The following WDFY3 variants were observed in gnomAD, a reference collection of about 807,000 sequenced individuals.
The protein encoded by WDFY3 is WD repeat and FYVE domain containing 3, also known as WD repeat and FYVE domain-containing protein 3.
WDFY3 carries 66 observed loss-of-function variants against 409.6 expected under a neutral mutation model. The ratio of observed to expected loss-of-function variants is 0.16; its 90% confidence interval spans 0.13 to 0.20. The LOEUF (loss-of-function observed/expected upper bound fraction) is 0.20. Among genes scored for constraint, WDFY3 ranks in the 10% least tolerant of loss-of-function variants. The probability of loss-of-function intolerance (pLI) is 1.00; values close to 1 mark genes in which losing one functional copy is unlikely to be tolerated. For synonymous variants in WDFY3, 1,521 were observed against 1,537.1 expected (o/e 0.99, Z 0.25); for missense variants, 3,031 against 4,298.1 (o/e 0.71, Z 8.24).
chr4:84,906,958 T>A (rs899841499), intron 2 of WDFY3, among the ~76,000 whole-genome samples: 1 of 152,204 alleles, frequency 6.6e-6, no homozygotes, highest in Non-Finnish European at 1.5e-5. Context: ...TTTGTTATAC[T>A]GTATTTTCAA....
chr4:84,844,536 C>CT, intron 5 of WDFY3: 1 of 1,289,194 alleles, frequency 7.8e-7, no homozygotes, highest in South Asian at 1.2e-5. Flanking sequence ...GCTGGGTTGT[C>CT]TAAGTAGGGA....
chr4:84,719,464 G>A (rs1376238568), intron 47 of WDFY3, among the ~76,000 whole-genome samples: 1 of 152,140 alleles, frequency 6.6e-6, no homozygotes, highest in Admixed American at 6.6e-5. Flanking sequence ...ACACATGTCA[G>A]TTTGAATACA....
chr4:84,718,390 C>A (rs1482209699), intron 48 of WDFY3, 32 bp downstream of exon 48: 2 of 1,582,958 alleles, frequency 1.3e-6, no homozygotes, highest in Non-Finnish European at 1.7e-6. Flanking sequence ...TAAAGATAGC[C>A]ATACATTATG....
intron 47 of WDFY3, among the ~76,000 whole-genome samples, chr4:84,720,497 G>A (rs1438708101): frequency 6.6e-6 from 1 of 152,166 alleles, no homozygotes; most frequent in African/African-American, 2.4e-5. Context: ...CATTGTTGGA[G>A]GTGCGGCCTT....
intron 5 of WDFY3, among the ~76,000 whole-genome samples, chr4:84,846,283 G>A (rs936346538): frequency 9.2e-5 from 14 of 152,050 alleles, no homozygotes; most frequent in African/African-American, 3.4e-4. Context: ...TGTCATCAAT[G>A]AGGAAAAGTG....
rs1361444068 is a variant in WDFY3, at chr4:84,828,965, T to G, written c.956+39A>C. On this transcript the variant is annotated intron_variant, in intron 9 of 67. Transcript: ENST00000295888. The stretch of plus-strand genomic sequence containing the variant: ...GTTTTCTTTGATAAAAAAGACTGAG[T>G]AGACATTTAAAATACATTCTTAAAT... 7 of 1,509,832 alleles carry G rather than the reference T, an allele frequency of 4.6e-6. No individual in the cohort carries two copies. In the Admixed American group the frequency reaches 1.5e-4, roughly 32 times the overall value. The allele number at this position is 1,509,832 out of a possible 1,614,324, so 93.5% of individuals were successfully genotyped here. A position where few individuals can be genotyped will look rare whatever the true frequency, so the allele number is the denominator to read the frequency against.
chr4:84,726,122 A>C (rs1344812539), intron 45 of WDFY3, among the ~76,000 whole-genome samples: 1 of 152,168 alleles, frequency 6.6e-6, no homozygotes, highest in Admixed American at 6.5e-5. Context: ...AGGTATTTTC[A>C]ACTCAAAATT....
At chr4:84,937,005 G>C (rs2151000557) in intron 1 of WDFY3, among the ~76,000 whole-genome samples, 1 of 152,124 alleles carries the variant, frequency 6.6e-6, no homozygotes, top group Middle Eastern at 3.4e-3. Flanking sequence ...CCAATCATTA[G>C]AAAACAAACA....
At chr4:84,720,398 G>A (rs771139278) in intron 47 of WDFY3, among the ~76,000 whole-genome samples, 1 of 152,164 alleles carries the variant, frequency 6.6e-6, no homozygotes. Context: ...GCAAGTAAAA[G>A]GAAGGGGGCA....
At position 84,717,004 on chromosome 4, in the gene WDFY3, A is replaced by G. The variant is rs1560588906; in HGVS notation, c.7767T>C (p.Pro2589=). 6.2e-7 allele frequency: 1 copy of G among 1,603,604 alleles called. No homozygotes were observed. Among genetic ancestry groups the G allele is most frequent in the Admixed American group, 1.7e-5 (1 of 58,336 alleles). ...CTTGCCTGGCTCCTCTAGGAATAATAGGCTCATGCATACTACAGGCAGCCA... is the reference window on the plus strand; with the variant it reads ...CTTGCCTGGCTCCTCTAGGAATAATGGGCTCATGCATACTACAGGCAGCCA... ...IETLPPNMHE[P]IIPRGARQGP... Residue 2589 remains proline (P), a synonymous_variant, in exon 49 of 68, where the codon CCT becomes CCC. Coordinates refer to ENST00000295888, the MANE Select transcript of WDFY3 (RefSeq NM_014991.6).
At chr4:84,875,955 G>A (rs929447107) in intron 3 of WDFY3, among the ~76,000 whole-genome samples, 7 of 152,070 alleles carry the variant, frequency 4.6e-5, no homozygotes, top group Non-Finnish European at 7.4e-5. Context: ...TTATAAGTGG[G>A]AGTATCCTCT....
intron 1 of WDFY3, among the ~76,000 whole-genome samples, chr4:84,934,976 T>C (rs904025905): frequency 4.6e-5 from 7 of 152,192 alleles, no homozygotes; most frequent in African/African-American, 1.4e-4. Flanking sequence ...TCTATCCTCC[T>C]GTCTTGTAGG....
intron 6 of WDFY3, among the ~76,000 whole-genome samples, chr4:84,838,270 C>T (rs756947271): frequency 1.3e-5 from 2 of 152,150 alleles, no homozygotes; most frequent in African/African-American, 4.8e-5. Flanking sequence ...AAGTCAACCC[C>T]ATGACTTCAT....
At chr4:84,942,111 G>C (rs929988344) in intron 1 of WDFY3, among the ~76,000 whole-genome samples, 1 of 151,876 alleles carries the variant, frequency 6.6e-6, no homozygotes, top group Non-Finnish European at 1.5e-5. Flanking sequence ...GGAAAACTTC[G>C]GGGAAAATCA....
intron 25 of WDFY3, among the ~76,000 whole-genome samples, chr4:84,782,091 C>CA (rs1431354787): frequency 6.6e-6 from 1 of 152,004 alleles, no homozygotes; most frequent in African/African-American, 2.4e-5. Context: ...AAAACAAAAA[C>CA]AAAAATAACG....
intron 3 of WDFY3, among the ~76,000 whole-genome samples, chr4:84,894,291 T>C (rs1765321997): frequency 6.6e-6 from 1 of 152,188 alleles, no homozygotes. Context: ...TAAATAACGG[T>C]CAAATTGTCA....
Position 84,921,646 on chromosome 4 carries a change from A to ATTTTT in WDFY3, c.-132+10619_-132+10623dup, listed in dbSNP as rs747576197. ...ATGGAACCAAGTCTCTATTGCTTTCATTTTTTTTTTTTTTTTTTTTTTTTT... is the reference window on the plus strand; with the variant it reads ...ATGGAACCAAGTCTCTATTGCTTTCATTTTTTTTTTTTTTTTTTTTTTTTTTTTTT... On this transcript the variant is annotated intron_variant, in intron 2 of 67. Coordinates refer to ENST00000295888, the MANE Select transcript of WDFY3 (RefSeq NM_014991.6). Among the ~76,000 whole-genome samples the ATTTTT allele has an allele frequency of 6.7e-4, 53 of 78,680 alleles. 3 individuals are homozygous for ATTTTT. The highest frequency in any genetic ancestry group is 7.7e-4 in the Non-Finnish European group (32 of 41,802). The allele number at this position is 78,680 out of a possible 152,430, so 51.6% of individuals were successfully genotyped here. A position where few individuals can be genotyped will look rare whatever the true frequency, so the allele number is the denominator to read the frequency against.
intron 21 of WDFY3, among the ~76,000 whole-genome samples, chr4:84,791,701 TAAG>T (rs532665330): frequency 1.1e-3 from 175 of 152,228 alleles, no homozygotes; most frequent in African/African-American, 4.2e-3. Flanking sequence ...TAAAAGGCAG[TAAG>T]AAGGAGATGA....
intron 4 of WDFY3, among the ~76,000 whole-genome samples, chr4:84,859,201 T>C (rs1295270029): frequency 1.3e-5 from 2 of 152,148 alleles, no homozygotes; most frequent in Admixed American, 1.3e-4. Context: ...AAAGGTAGTA[T>C]AGTATAAGGT....
Sources: allele counts gnomAD v4.1 joint callset (sites outside exome capture counted in the v4.1 genomes callset), GRCh38; gene constraint gnomAD v4.1.1; transcripts MANE v1.5; gene names NCBI Gene and HGNC (gene_info 2026-07-23, HGNC 2026-07-21).